SH3TC2: variants seen among roughly 807,000 people sequenced by gnomAD.
SH3TC2 encodes the protein SH3 domain and tetratricopeptide repeat-containing protein 2.
SH3TC2 carries 87 observed loss-of-function variants against 124.5 expected under a neutral mutation model. The observed-to-expected ratio is 0.70, with a 90% CI of 0.59 to 0.84. The LOEUF (loss-of-function observed/expected upper bound fraction) is 0.84, where lower values mean the gene tolerates loss of function less well. Ranked by LOEUF, SH3TC2 falls within the 40% of genes least tolerant of loss-of-function variation. The probability of loss-of-function intolerance (pLI) is 0.00; values close to 1 mark genes in which losing one functional copy is unlikely to be tolerated. For missense variants in SH3TC2, 1,536 were observed against 1,566.4 expected (o/e 0.98, Z 0.33); for synonymous variants, 634 against 628.5 (o/e 1.01, Z -0.13).
intron 12 of SH3TC2, among the ~76,000 whole-genome samples, chr5:149,020,601 A>G (rs1753952339): frequency 6.6e-6 from 1 of 152,222 alleles, no homozygotes. Flanking sequence ...CTTTAGATTC[A>G]AAGACACAAA....
rs111407625 is a variant in SH3TC2, at chr5:148,995,404, C to T, written c.*9307G>A. The stretch of plus-strand genomic sequence containing the variant: ...TGGGTAAATTACTTAGCACAACCAT[C>T]ATTACAGCTTCAGTAAAAGACCATG... On this transcript the variant is annotated 3_prime_UTR_variant, in exon 17 of 17. Coordinates refer to ENST00000515425, the MANE Select transcript of SH3TC2 (RefSeq NM_024577.4). Among the ~76,000 whole-genome samples, 292 of 152,304 alleles carry T rather than the reference C, an allele frequency of 1.9e-3. 1 individual carries two copies. Among genetic ancestry groups the T allele is most frequent in the African/African-American group, 6.7e-3 (279 of 41,566 alleles).
intron 12 of SH3TC2, among the ~76,000 whole-genome samples, chr5:149,016,977 C>T (rs1753885954): frequency 6.6e-6 from 1 of 151,242 alleles, no homozygotes; most frequent in East Asian, 1.9e-4. Flanking sequence ...TGCTAGGCTA[C>T]TGTTGTATTC....
intron 1 of SH3TC2, among the ~76,000 whole-genome samples, chr5:149,054,868 T>C (rs183566594): frequency 3.3e-5 from 5 of 152,254 alleles, no homozygotes; most frequent in Admixed American, 3.3e-4. Flanking sequence ...AGCCTGACAA[T>C]GAGGGCTTGT....
At position 149,027,441 on chromosome 5, in the gene SH3TC2, G is replaced by T; in HGVS notation, c.2291C>A (p.Ser764Tyr). The change falls in exon 11 of 17, where the codon TCC (serine) becomes TAC (tyrosine). Residue 764 changes from serine to tyrosine, a missense_variant. Transcript: ENST00000515425. ...STQRALCLIL[S>Y]KVYLEHRSPD... ...AGACCTGTGCTCGAGGTACACTTTG[G>T]AAAGGATGAGACACAGGGCCCTCTG... is the stretch of plus-strand genomic sequence containing the variant. 2.5e-6 allele frequency: 4 copies of T among 1,614,182 alleles called. No individual in the cohort carries two copies. The highest frequency in any genetic ancestry group is 3.4e-6 in the Non-Finnish European group (4 of 1,180,050).
At chr5:149,007,182 G>C in intron 15 of SH3TC2, 105 bp from the exon 16 acceptor site, 2 of 1,036,232 alleles carry the variant, frequency 1.9e-6, no homozygotes, top group Non-Finnish European at 3.0e-6. Context: ...AGATGTCAGG[G>C]ACTGTGCTGG....
At position 148,987,207 on chromosome 5, in the gene SH3TC2, A is replaced by AG. The variant is rs1753346618; in HGVS notation, c.*17503dup. Among the ~76,000 whole-genome samples the AG allele has an allele frequency of 1.3e-5, 2 of 152,234 alleles. No homozygotes were observed. The highest frequency in any genetic ancestry group is 4.1e-4 in the South Asian group (2 of 4,830). On this transcript the variant is annotated 3_prime_UTR_variant, in exon 17 of 17. Coordinates refer to ENST00000515425, the MANE Select transcript of SH3TC2 (RefSeq NM_024577.4). ...ACTGTAACCCCTCTGTGGGGAGAGG[A>AG]GAAAAAGCACATTTTTGCCAATGGT... is the stretch of plus-strand genomic sequence containing the variant.
chr5:149,040,815 G>C lies in SH3TC2; in HGVS notation c.732-138C>G, dbSNP rs1754356826. The C allele has an allele frequency of 5.0e-6, 4 of 795,376 alleles. No individual in the cohort carries two copies. In the East Asian group the frequency reaches 1.1e-4, roughly 21 times the overall value. 49.3% of individuals were successfully genotyped at this position (795,376 alleles called of 1,614,324 possible). A position where few individuals can be genotyped will look rare whatever the true frequency, so the allele number is the denominator to read the frequency against. ...TTAAATGATGGCAAAAGTTTATTGA[G>C]AACTTACTTTCTACCAGGACCTGTG... On this transcript the variant is annotated intron_variant, in intron 6 of 16. Coordinates refer to ENST00000515425, the MANE Select transcript of SH3TC2 (RefSeq NM_024577.4).
At chr5:149,011,984 T>C (rs920132347) in intron 13 of SH3TC2, among the ~76,000 whole-genome samples, 17 of 152,186 alleles carry the variant, frequency 1.1e-4, no homozygotes, top group African/African-American at 2.2e-4. Flanking sequence ...CTAATCCTTA[T>C]GCTAAAAGAT....
intron 13 of SH3TC2, among the ~76,000 whole-genome samples, chr5:149,011,794 G>A (rs532033637): frequency 3.1e-4 from 47 of 152,030 alleles, no homozygotes; most frequent in African/African-American, 9.9e-4. Context: ...GAAAAAAACC[G>A]GTATATTTTT....
rs1337938229 is a variant in SH3TC2, at chr5:149,047,877, C to T, written c.264G>A (p.Val88=). ...LWALENEDQE[V]RMLFKDLSAR... ...TCATGCTCACCTTAAACAGCATGCG[C>T]ACCTCCTGGTCCTCATTCTCCAGTG... is the stretch of plus-strand genomic sequence containing the variant. Residue 88 remains valine, a synonymous_variant, in exon 3 of 17, where the codon GTG becomes GTA. Transcript: ENST00000515425. 6.2e-7 allele frequency: 1 copy of T among 1,614,030 alleles called. No homozygotes were observed. The highest frequency in any genetic ancestry group is 8.5e-7 in the Non-Finnish European group (1 of 1,180,026).
chr5:149,024,866 C>T (rs957042869), intron 12 of SH3TC2, among the ~76,000 whole-genome samples: 3 of 152,114 alleles, frequency 2.0e-5, no homozygotes, highest in African/African-American at 7.2e-5. Context: ...TCTGGCTTCC[C>T]CCTTAATATT....
intron 12 of SH3TC2, among the ~76,000 whole-genome samples, chr5:149,018,619 C>T (rs960809293): frequency 1.3e-5 from 2 of 152,114 alleles, no homozygotes; most frequent in South Asian, 4.1e-4. Context: ...ATTCAATTAC[C>T]TCCCACCAGG....
At position 149,004,603 on chromosome 5, in the gene SH3TC2, G is replaced by T; in HGVS notation, c.*108C>A. ...TCATTCTTCTTCTTGTGAAATGAGG[G>T]GGCTAGGCCAGGTAAGGACTCGGAC... On this transcript the variant is annotated 3_prime_UTR_variant, in exon 17 of 17. Coordinates refer to ENST00000515425, the MANE Select transcript of SH3TC2 (RefSeq NM_024577.4). 1 of 1,146,914 alleles carries T rather than the reference G, an allele frequency of 8.7e-7. No homozygotes were observed. Among genetic ancestry groups the T allele is most frequent in the Non-Finnish European group, 1.2e-6 (1 of 814,082 alleles). The allele number at this position is 1,146,914 out of a possible 1,614,324, so 71.0% of individuals were successfully genotyped here.
intron 12 of SH3TC2, among the ~76,000 whole-genome samples, chr5:149,015,854 G>C (rs1753863414): frequency 6.6e-6 from 1 of 152,196 alleles, no homozygotes; most frequent in African/African-American, 2.4e-5. Flanking sequence ...GGCTGACTCT[G>C]TGTGAGGTGT....
rs553407105 is a variant in SH3TC2 at position 148,995,533 on chromosome 5, A to G, written c.*9178T>C. Among the ~76,000 whole-genome samples, 6 of 152,200 alleles carry G rather than the reference A, an allele frequency of 3.9e-5. No homozygotes were observed. Among genetic ancestry groups the G allele is most frequent in the African/African-American group, 1.2e-4 (5 of 41,562 alleles). ...ACAAAAATTATGCTTATTATTCTCA[A>G]TAAACTTTTGCTGAATACCTGCTAT... On this transcript the variant is annotated 3_prime_UTR_variant, in exon 17 of 17. Coordinates refer to ENST00000515425, the MANE Select transcript of SH3TC2 (RefSeq NM_024577.4).
chr5:149,053,074 G>A (rs929394739), intron 1 of SH3TC2, among the ~76,000 whole-genome samples: 6 of 152,138 alleles, frequency 3.9e-5, no homozygotes, highest in African/African-American at 1.2e-4. Flanking sequence ...AATGTGATAA[G>A]TATTACCTGG....
intron 12 of SH3TC2, among the ~76,000 whole-genome samples, chr5:149,021,861 C>T (rs1753975661): frequency 7.0e-6 from 1 of 142,532 alleles, no homozygotes; most frequent in Middle Eastern, 4.1e-3. Context: ...GGAGAATTAA[C>T]ACCAATCCTT....
At chr5:149,039,316 C>T (rs1157531925) in intron 7 of SH3TC2, among the ~76,000 whole-genome samples, 4 of 152,112 alleles carry the variant, frequency 2.6e-5, no homozygotes, top group African/African-American at 4.8e-5. Context: ...TCCCAGGTTA[C>T]GGAGGGAGAG....
chr5:149,062,839 G>A (rs1754777546), intron 1 of SH3TC2, 132 bp downstream of exon 1: 1 of 840,966 alleles, frequency 1.2e-6, no homozygotes, highest in Non-Finnish European at 2.0e-6. Flanking sequence ...GGAGGAAGGA[G>A]AGGCAGCCAG....
Sources: allele counts gnomAD v4.1 joint callset (sites outside exome capture counted in the v4.1 genomes callset), GRCh38; gene constraint gnomAD v4.1.1; transcripts MANE v1.5; gene names NCBI Gene and HGNC (gene_info 2026-07-23, HGNC 2026-07-21).